Variants in RIMS2 observed in about 807,000 individuals in gnomAD.
RIMS2 encodes the protein regulating synaptic membrane exocytosis 2, also known as regulating synaptic membrane exocytosis protein 2.
RIMS2 carries 59 observed loss-of-function variants against 174.4 expected under a neutral mutation model. The ratio of observed to expected loss-of-function variants is 0.34; its 90% CI spans 0.27 to 0.42. The LOEUF is 0.42. RIMS2 is among the 10% of genes least tolerant of loss of function. RIMS2 has a pLI of 1.00. For synonymous variants in RIMS2, 606 were observed against 572.5 expected, an observed-to-expected ratio of 1.06 and a Z score of -0.84; for missense variants, 1,620 against 1,666.3, an observed-to-expected ratio of 0.97 and a Z score of 0.48.
intron 4 of RIMS2, among the ~76,000 whole-genome samples, chr8:103,905,415 TC>T (rs2074161918): frequency 6.6e-6 from 1 of 152,168 alleles, no homozygotes; most frequent in Admixed American, 6.5e-5. Context: ...TTGTGCCACT[TC>T]CTTTTGGCCT....
At chr8:103,747,518 A>G (rs976354672) in intron 2 of RIMS2, among the ~76,000 whole-genome samples, 1 of 152,050 alleles carries the variant, frequency 6.6e-6, no homozygotes, top group Non-Finnish European at 1.5e-5. Context: ...ACATTAGTGG[A>G]GGTATGAAAA....
chr8:103,572,046 A>T (rs533206926), intron 1 of RIMS2, among the ~76,000 whole-genome samples: 4 of 152,256 alleles, frequency 2.6e-5, no homozygotes, highest in Non-Finnish European at 5.9e-5. Flanking sequence ...GGACCCTCGC[A>T]GTGAGTGTTA....
chr8:104,228,476 G>A (rs1348769259), intron 19 of RIMS2, among the ~76,000 whole-genome samples: 2 of 152,032 alleles, frequency 1.3e-5, no homozygotes, highest in Admixed American at 6.6e-5. Context: ...TTGCCCTTAC[G>A]CCGTTGAAAT....
At chr8:103,558,304 C>A (rs538146343) in intron 1 of RIMS2, among the ~76,000 whole-genome samples, 1 of 152,134 alleles carries the variant, frequency 6.6e-6, no homozygotes. Context: ...TCACTGCAAC[C>A]TCTGTCTCCT....
intron 3 of RIMS2, among the ~76,000 whole-genome samples, chr8:103,801,452 C>A (rs1286382780): frequency 6.6e-6 from 1 of 152,116 alleles, no homozygotes; most frequent in Non-Finnish European, 1.5e-5. Context: ...TAAAAGTATT[C>A]TTTCTTTTCC....
At chr8:104,037,567 A>C (rs1417285422) in intron 19 of RIMS2, among the ~76,000 whole-genome samples, 1 of 152,188 alleles carries the variant, frequency 6.6e-6, no homozygotes, top group African/African-American at 2.4e-5. Context: ...GCGTTTGTGG[A>C]TAAAGAGGCC....
rs545384455 is a variant in RIMS2 at position 104,180,363 on chromosome 8, T to G, written c.3335-64553T>G. ...TAGTGTAGTATTTTCTTAGTGAGGT[T>G]TTTTTTTTTTTTAATCTTTGCCAAT... On this transcript the variant is annotated intron_variant, in intron 19 of 23. Transcript: ENST00000504942. 2.4e-4 allele frequency among the ~76,000 whole-genome samples: 31 copies of G among 131,898 alleles called. 1 individual carries two copies. The East Asian group carries it at 5.9e-3, about 25-fold the overall frequency. The allele number at this position is 131,898 out of a possible 152,430, so 86.5% of individuals were successfully genotyped here. A position where few individuals can be genotyped will look rare whatever the true frequency, so the allele number is the denominator to read the frequency against.
chr8:103,572,657 A>G (rs2092920040), intron 1 of RIMS2, among the ~76,000 whole-genome samples: 1 of 151,792 alleles, frequency 6.6e-6, no homozygotes, highest in Non-Finnish European at 1.5e-5. Flanking sequence ...ATGATTAGTG[A>G]TGATGAACAT....
intron 10 of RIMS2, among the ~76,000 whole-genome samples, chr8:103,924,039 C>T (rs995199860): frequency 1.3e-5 from 2 of 151,532 alleles, no homozygotes; most frequent in Non-Finnish European, 3.0e-5. Context: ...GGTTATCTTG[C>T]TTGTTTCTAA....
intron 1 of RIMS2, among the ~76,000 whole-genome samples, chr8:103,695,622 GA>G (rs1020415939): frequency 6.6e-6 from 1 of 151,084 alleles, no homozygotes; most frequent in Non-Finnish European, 1.5e-5. Flanking sequence ...TGTCCATCTG[GA>G]AAAGTTTTTA....
At chr8:104,249,558 G>A in exon 22 of RIMS2, 1 of 1,610,958 alleles carries the variant, frequency 6.2e-7, no homozygotes, top group East Asian at 2.2e-5. Flanking sequence ...CCGTGGCCTT[G>A]TTGTAAAACC....
rs2099154156 is a variant in RIMS2, at chr8:104,221,331, CTG to C, written c.3335-23583_3335-23582del. The stretch of plus-strand genomic sequence containing the variant: ...TAACCATGTGGGCTGAACTCTGATA[CTG>C]TATTGTATTTTTTTAATTCTAATCA... On this transcript the variant is annotated intron_variant, in intron 19 of 23. Coordinates refer to ENST00000504942, the Ensembl canonical transcript of RIMS2. 2.0e-5 allele frequency among the ~76,000 whole-genome samples: 3 copies of C among 152,020 alleles called. No homozygotes were observed. The South Asian group carries it at 6.2e-4, about 32-fold the overall frequency.
intron 2 of RIMS2, among the ~76,000 whole-genome samples, chr8:103,748,744 C>A (rs1269196895): frequency 2.0e-5 from 3 of 152,086 alleles, no homozygotes; most frequent in Non-Finnish European, 4.4e-5. Flanking sequence ...TTATCCTCTT[C>A]AGAAATTTTC....
intron 19 of RIMS2, among the ~76,000 whole-genome samples, chr8:104,108,574 CAGG>C (rs2098120816): frequency 6.6e-6 from 1 of 152,108 alleles, no homozygotes; most frequent in Non-Finnish European, 1.5e-5. Context: ...GCTTGGATTA[CAGG>C]CATAAGCCAC....
intron 4 of RIMS2, among the ~76,000 whole-genome samples, chr8:103,898,047 A>C (rs1399432953): frequency 6.6e-6 from 1 of 151,616 alleles, no homozygotes; most frequent in Non-Finnish European, 1.5e-5. Context: ...GGTAGGTACA[A>C]GAGGTAATAA....
At chr8:103,912,764 C>T (rs1241253122) in intron 6 of RIMS2, among the ~76,000 whole-genome samples, 1 of 151,856 alleles carries the variant, frequency 6.6e-6, no homozygotes, top group Non-Finnish European at 1.5e-5. Flanking sequence ...TTGGTAAATA[C>T]ATTAAATAGA....
At chr8:103,864,468 A>G (rs541255241) in intron 3 of RIMS2, among the ~76,000 whole-genome samples, 9 of 152,254 alleles carry the variant, frequency 5.9e-5, no homozygotes, top group Non-Finnish European at 1.2e-4. Context: ...GTTTCCAGGT[A>G]CTTGTGTGGT....
intron 19 of RIMS2, among the ~76,000 whole-genome samples, chr8:104,164,017 A>G (rs2098780786): frequency 6.6e-6 from 1 of 152,156 alleles, no homozygotes; most frequent in Non-Finnish European, 1.5e-5. Context: ...ACCACCTTTC[A>G]GCCAAATCCT....
chr8:103,587,385 C>T (rs938933483), intron 1 of RIMS2, among the ~76,000 whole-genome samples: 1 of 136,278 alleles, frequency 7.3e-6, no homozygotes, highest in Non-Finnish European at 1.6e-5. Flanking sequence ...ATACCAAAAC[C>T]AAAGACACAT....
Sources: allele counts gnomAD v4.1 joint callset (sites outside exome capture counted in the v4.1 genomes callset), GRCh38; gene constraint gnomAD v4.1.1; transcripts MANE v1.5; gene names NCBI Gene and HGNC (gene_info 2026-07-23, HGNC 2026-07-21).